Variants in BBS9 observed in about 807,000 individuals in gnomAD.
The protein encoded by BBS9 is Bardet-Biedl syndrome 9.
A neutral mutation model predicts 117.7 loss-of-function variants in BBS9; 89 were observed. The ratio of observed to expected loss-of-function variants is 0.76; its 90% CI spans 0.64 to 0.90. The LOEUF (loss-of-function observed/expected upper bound fraction) is 0.90, where lower values mean the gene tolerates loss of function less well. Ranked by LOEUF, BBS9 falls within the 40% of genes least tolerant of loss-of-function variation. BBS9 has a pLI of 0.00. For synonymous variants in BBS9, 379 were observed against 370.9 expected (o/e 1.02, Z -0.25); for missense variants, 982 against 1,042.2 (o/e 0.94, Z 0.80).
chr7:33,521,065 C>A (rs1002239652), intron 20 of BBS9, among the ~76,000 whole-genome samples: 3 of 152,120 alleles, frequency 2.0e-5, no homozygotes, highest in African/African-American at 7.2e-5. Context: ...AACTTTAATG[C>A]TTAGTCAAGG....
intron 18 of BBS9, among the ~76,000 whole-genome samples, chr7:33,385,247 G>A (rs936406646): frequency 2.6e-5 from 4 of 152,076 alleles, no homozygotes; most frequent in Admixed American, 6.6e-5. Flanking sequence ...TGTCTTTTCT[G>A]AGGAGGGACT....
chr7:33,477,427 T>C (rs1483372363), intron 19 of BBS9, among the ~76,000 whole-genome samples: 1 of 152,174 alleles, frequency 6.6e-6, no homozygotes, highest in Non-Finnish European at 1.5e-5. Context: ...TTCCTTCTAG[T>C]TTGTTTACTG....
At chr7:33,400,912 G>C (rs1584666516) in intron 19 of BBS9, among the ~76,000 whole-genome samples, 1 of 152,140 alleles carries the variant, frequency 6.6e-6, no homozygotes, top group Non-Finnish European at 1.5e-5. Context: ...TTGAACATTT[G>C]ACCTTAAGTG....
chr7:33,323,833 CTT>C (rs1227126451), intron 9 of BBS9, among the ~76,000 whole-genome samples: 2 of 105,166 alleles, frequency 1.9e-5, no homozygotes, highest in South Asian at 2.9e-4. Flanking sequence ...TCCTGTCTTC[CTT>C]TTTTTTTTTT....
intron 21 of BBS9, among the ~76,000 whole-genome samples, chr7:33,627,108 T>G (rs1865677044): frequency 6.6e-6 from 1 of 152,228 alleles, no homozygotes; most frequent in South Asian, 2.1e-4. Context: ...AATGGTATTG[T>G]GGGCTGGGGC....
At chr7:33,355,210 G>T (rs547798441) in intron 15 of BBS9, among the ~76,000 whole-genome samples, 75 of 151,930 alleles carry the variant, frequency 4.9e-4, no homozygotes, top group Admixed American at 8.5e-4. Context: ...ACCCACACAT[G>T]CCTCTATGAG....
intron 4 of BBS9, among the ~76,000 whole-genome samples, chr7:33,173,540 C>G (rs1281252597): frequency 6.6e-6 from 1 of 150,790 alleles, no homozygotes; most frequent in Non-Finnish European, 1.5e-5. Context: ...CCACTGCACT[C>G]CAGCCTTGGC....
chr7:33,441,746 T>C (rs1292714409), intron 19 of BBS9, among the ~76,000 whole-genome samples: 1 of 152,224 alleles, frequency 6.6e-6, no homozygotes, highest in Non-Finnish European at 1.5e-5. Flanking sequence ...TTTGATTTGA[T>C]TTCTTTCCTA....
At chr7:33,305,578 T>A (rs1440896556) in intron 9 of BBS9, among the ~76,000 whole-genome samples, 1 of 152,208 alleles carries the variant, frequency 6.6e-6, no homozygotes, top group Non-Finnish European at 1.5e-5. Context: ...ACAGCTTTCA[T>A]CTCGTTACTC....
intron 18 of BBS9, among the ~76,000 whole-genome samples, chr7:33,385,227 A>G (rs901113992): frequency 6.6e-6 from 1 of 152,160 alleles, no homozygotes; most frequent in Non-Finnish European, 1.5e-5. Context: ...GAGCTTCTAC[A>G]TCAGGGGAGT....
chr7:33,168,728 A>C (rs1196539604), intron 4 of BBS9, among the ~76,000 whole-genome samples: 1 of 152,140 alleles, frequency 6.6e-6, no homozygotes, highest in Non-Finnish European at 1.5e-5. Flanking sequence ...AACCTATAAG[A>C]AACCTCAAAC....
chr7:33,280,251 G>A (rs1801551246), intron 9 of BBS9, among the ~76,000 whole-genome samples: 1 of 152,112 alleles, frequency 6.6e-6, no homozygotes. Flanking sequence ...TGATGCTGAG[G>A]TTTGGGGTAC....
In BBS9 at chr7:33,161,388, G is replaced by T. The variant is rs1794825592; in HGVS notation, c.328+5686G>T. On this transcript the variant is annotated intron_variant, in intron 4 of 22. Coordinates refer to ENST00000242067, the MANE Select transcript of BBS9 (RefSeq NM_198428.3). ...ATGCAGTGTTTGGTTTTCTGTCCTTGTGATCGTTTGCTCAGAATGATGGTT... is the reference window on the plus strand; with the variant it reads ...ATGCAGTGTTTGGTTTTCTGTCCTTTTGATCGTTTGCTCAGAATGATGGTT... Among the ~76,000 whole-genome samples the T allele has an allele frequency of 2.0e-5, 3 of 152,192 alleles. No homozygotes were observed. In the South Asian group the frequency reaches 6.2e-4, roughly 32 times the overall value.
At chr7:33,466,072 A>G in intron 19 of BBS9, among the ~76,000 whole-genome samples, 1 of 152,196 alleles carries the variant, frequency 6.6e-6, no homozygotes, top group South Asian at 2.1e-4. Context: ...AGAGATATAT[A>G]TATATATACA....
At chr7:33,376,089 G>A (rs1397919317) in intron 17 of BBS9, among the ~76,000 whole-genome samples, 10 of 151,902 alleles carry the variant, frequency 6.6e-5, no homozygotes, top group Non-Finnish European at 2.9e-5. Context: ...AAGTAAACTT[G>A]TGTAATGAGG....
chr7:33,259,869 T>C (rs181415935), intron 6 of BBS9, among the ~76,000 whole-genome samples: 2 of 152,130 alleles, frequency 1.3e-5, no homozygotes, highest in Admixed American at 1.3e-4. Context: ...TTCAGGCCTA[T>C]ATTTTTTCAC....
intron 5 of BBS9, among the ~76,000 whole-genome samples, chr7:33,226,621 C>T (rs1032406392): frequency 3.9e-5 from 6 of 151,968 alleles, no homozygotes; most frequent in African/African-American, 7.3e-5. Flanking sequence ...TCACAATAGC[C>T]AAAAGGTGGA....
chr7:33,215,897 A>G (rs1788966022), intron 5 of BBS9, among the ~76,000 whole-genome samples: 1 of 151,794 alleles, frequency 6.6e-6, no homozygotes, highest in South Asian at 2.1e-4. Flanking sequence ...GATTTTTTGT[A>G]CTTAGATTTT....
chr7:33,146,244 T>A lies in BBS9; in HGVS notation c.-9T>A, dbSNP rs749116757. 1 of 1,586,930 alleles carries A rather than the reference T, an allele frequency of 6.3e-7. No individual in the cohort carries two copies. Among genetic ancestry groups the A allele is most frequent in the East Asian group, 2.2e-5 (1 of 44,742 alleles). On this transcript the variant is annotated splice_region_variant and 5_prime_UTR_variant, in exon 2 of 23. Transcript: ENST00000242067. The stretch of plus-strand genomic sequence containing the variant: ...TATTATAAATGTTTTCTTTTTAGTG[T>A]GAAAGAAAATGTCTTTATTTAAAGC...
Sources: allele counts gnomAD v4.1 joint callset (sites outside exome capture counted in the v4.1 genomes callset), GRCh38; gene constraint gnomAD v4.1.1; transcripts MANE v1.5; gene names NCBI Gene and HGNC (gene_info 2026-07-23, HGNC 2026-07-21).